The following TMEM232 variants were observed in gnomAD, a reference collection of about 807,000 sequenced individuals.
TMEM232 encodes transmembrane protein 232.
In TMEM232, 80 loss-of-function variants were observed where a neutral mutation model predicts 78.8. The observed-to-expected ratio is 1.01, with a 90% CI of 0.85 to 1.22. The LOEUF is 1.22. Among genes scored for constraint, TMEM232 ranks in the 50% most tolerant of loss-of-function variants. TMEM232 has a pLI of 0.00. For synonymous variants in TMEM232, 297 were observed against 254.3 expected, an observed-to-expected ratio of 1.17 and a Z score of -1.60; for missense variants, 881 against 742.2, an observed-to-expected ratio of 1.19 and a Z score of -2.17.
intron 1 of TMEM232, among the ~76,000 whole-genome samples, chr5:110,700,518 T>C (rs2445861): frequency 6.6e-6 from 1 of 151,994 alleles, no homozygotes; most frequent in African/African-American, 2.4e-5. Context: ...CAGATCAAAA[T>C]AGAGGACTCC....
chr5:110,445,544 A>G (rs1486516233), intron 12 of TMEM232, among the ~76,000 whole-genome samples: 2 of 152,168 alleles, frequency 1.3e-5, no homozygotes, highest in African/African-American at 2.4e-5. Context: ...GGTAGTGACT[A>G]TATTAGTTAT....
chr5:110,458,384 A>C (rs1271142902), intron 12 of TMEM232, among the ~76,000 whole-genome samples: 1 of 152,016 alleles, frequency 6.6e-6, no homozygotes, highest in Non-Finnish European at 1.5e-5. Flanking sequence ...GCTAATTAAC[A>C]ATCTGGCAGG....
At chr5:110,546,274 A>G (rs1303597091) in intron 11 of TMEM232, among the ~76,000 whole-genome samples, 1 of 152,232 alleles carries the variant, frequency 6.6e-6, no homozygotes, top group African/African-American at 2.4e-5. Context: ...TAGATAATTT[A>G]GTTAGGAATG....
At chr5:110,642,928 A>T (rs1437810280) in intron 2 of TMEM232, among the ~76,000 whole-genome samples, 1 of 152,086 alleles carries the variant, frequency 6.6e-6, no homozygotes, top group Non-Finnish European at 1.5e-5. Context: ...TTGAGCTTTA[A>T]GCAAATTTCT....
chr5:110,685,600 G>A (rs1793299769), intron 1 of TMEM232, among the ~76,000 whole-genome samples: 1 of 152,046 alleles, frequency 6.6e-6, no homozygotes, highest in Non-Finnish European at 1.5e-5. Context: ...CTATTTGTCT[G>A]TGCCTTTGTA....
chr5:110,497,139 G>C (rs1238591258), intron 12 of TMEM232, among the ~76,000 whole-genome samples: 1 of 151,772 alleles, frequency 6.6e-6, no homozygotes, highest in Non-Finnish European at 1.5e-5. Context: ...CACGTTCCCT[G>C]ACACTTTAAA....
intron 12 of TMEM232, among the ~76,000 whole-genome samples, chr5:110,431,993 A>ATACTT (rs1170085089): frequency 6.6e-6 from 1 of 151,796 alleles, no homozygotes; most frequent in Non-Finnish European, 1.5e-5. Flanking sequence ...TAAAATGGAA[A>ATACTT]TACTTTAAGT....
At chr5:110,465,940 C>T (rs1268335024) in intron 12 of TMEM232, among the ~76,000 whole-genome samples, 1 of 152,072 alleles carries the variant, frequency 6.6e-6, no homozygotes, top group African/African-American at 2.4e-5. Context: ...AGAAAATCTC[C>T]ACTCTCATAA....
chr5:110,534,075 C>T (rs1180394589), intron 11 of TMEM232, among the ~76,000 whole-genome samples: 2 of 152,162 alleles, frequency 1.3e-5, no homozygotes, highest in African/African-American at 2.4e-5. Flanking sequence ...CTCAACATGC[C>T]CCAAGTCAGG....
chr5:110,720,803 T>G (rs917724329), intron 1 of TMEM232: 1 of 152,168 alleles, frequency 6.6e-6, no homozygotes, highest in Non-Finnish European at 1.5e-5. Context: ...TTCTTTCTAT[T>G]AATATACCAC....
chr5:110,418,620 T>A (rs1047788285), downstream of TMEM232, among the ~76,000 whole-genome samples: 1 of 152,022 alleles, frequency 6.6e-6, no homozygotes, highest in Non-Finnish European at 1.5e-5. Flanking sequence ...AGGGTTACTT[T>A]AAAAAAAGGC....
intron 2 of TMEM232, among the ~76,000 whole-genome samples, chr5:110,644,818 C>CAAAA (rs1787251940): frequency 6.6e-6 from 1 of 150,992 alleles, no homozygotes; most frequent in Non-Finnish European, 1.5e-5. Flanking sequence ...GAGCTGTTTT[C>CAAAA]TTGAAAAAAT....
intron 12 of TMEM232, among the ~76,000 whole-genome samples, chr5:110,489,607 A>G (rs1306159553): frequency 6.6e-6 from 1 of 152,154 alleles, no homozygotes; most frequent in Non-Finnish European, 1.5e-5. Context: ...TAAGGAAAAT[A>G]TATCTATTCT....
chr5:110,579,521 A>C (rs1163043633), intron 10 of TMEM232, among the ~76,000 whole-genome samples: 1 of 151,846 alleles, frequency 6.6e-6, no homozygotes, highest in African/African-American at 2.4e-5. Flanking sequence ...TAATATAAAT[A>C]GATGTTAATT....
chr5:110,708,949 G>A (rs1460936027), intron 1 of TMEM232, among the ~76,000 whole-genome samples: 1 of 151,882 alleles, frequency 6.6e-6, no homozygotes, highest in Non-Finnish European at 1.5e-5. Flanking sequence ...CCGAATGGAT[G>A]AAAAAACAAG....
intron 10 of TMEM232, among the ~76,000 whole-genome samples, chr5:110,590,096 A>G (rs967620279): frequency 3.4e-4 from 52 of 152,322 alleles, no homozygotes; most frequent in African/African-American, 1.0e-3. Context: ...TGTTAAATGC[A>G]TAAGAAATAT....
intron 5 of TMEM232, among the ~76,000 whole-genome samples, chr5:110,636,995 G>C (rs1785929897): frequency 6.6e-6 from 1 of 151,708 alleles, no homozygotes; most frequent in Admixed American, 6.6e-5. Flanking sequence ...ATGGAGAAAG[G>C]TCACTGAAGG....
chr5:110,395,141 C>T lies in TMEM232; in HGVS notation n.390+2632G>A, dbSNP rs115784924. Among the ~76,000 whole-genome samples the T allele has an allele frequency of 5.9e-3, 903 of 152,238 alleles. 9 individuals carry two copies. Among genetic ancestry groups the T allele is most frequent in the African/African-American group, 0.02 (851 of 41,542 alleles). On this transcript the variant is annotated intron_variant and non_coding_transcript_variant, in intron 3 of 8. Transcript: ENST00000507188. ...AGAGATTTATTGTTGCTGTTCCCCT[C>T]CCATTGCATTTTCATTAATGCACTA...
At chr5:110,588,857 T>G (rs1447595973) in intron 10 of TMEM232, among the ~76,000 whole-genome samples, 1 of 152,142 alleles carries the variant, frequency 6.6e-6, no homozygotes, top group Non-Finnish European at 1.5e-5. Flanking sequence ...CTTAGTACTC[T>G]GAGATATTTT....
Sources: gnomAD v4.1 joint callset for allele counts (sites outside exome capture counted in the v4.1 genomes callset) on GRCh38, gnomAD v4.1.1 for gene constraint, MANE v1.5 for transcripts, NCBI Gene and HGNC (gene_info 2026-07-23, HGNC 2026-07-21) for gene names.